The following CLASP2 variants were observed in gnomAD, a reference collection of about 807,000 sequenced individuals.
CLASP2 encodes cytoplasmic linker associated protein 2, also known as CLIP-associating protein 2.
Under a neutral mutation model 194.4 loss-of-function variants are expected in CLASP2, and 47 were observed. The observed-to-expected ratio is 0.24, with a 90% CI of 0.19 to 0.31. CLASP2 has a LOEUF of 0.31. Ranked by LOEUF, CLASP2 falls within the 10% of genes least tolerant of loss-of-function variation. CLASP2 has a pLI of 1.00. For missense variants in CLASP2, 1,445 were observed against 1,823.6 expected (o/e 0.79, Z 3.78); for synonymous variants, 619 against 633.5 (o/e 0.98, Z 0.34).
chr3:33,562,207 A>C (rs768118632), intron 27 of CLASP2, among the ~76,000 whole-genome samples: 7 of 152,228 alleles, frequency 4.6e-5, no homozygotes, highest in Admixed American at 2.6e-4. Context: ...TCTGGTCCCC[A>C]GACAGTGTGT....
intron 11 of CLASP2, among the ~76,000 whole-genome samples, chr3:33,621,479 T>C (rs191258015): frequency 1.3e-5 from 2 of 152,322 alleles, no homozygotes; most frequent in Admixed American, 1.3e-4. Flanking sequence ...TCTTGCAGTT[T>C]TCTGCATGGA....
intron 7 of CLASP2, chr3:33,645,455 C>A: frequency 1.5e-6 from 1 of 668,772 alleles, no homozygotes; most frequent in Non-Finnish European, 2.7e-6. Flanking sequence ...GAGGTTTGTG[C>A]CGGCATTTTT....
In CLASP2 at chr3:33,665,221, C is replaced by T. The variant is rs528135306; in HGVS notation, c.645-1706G>A. Among the ~76,000 whole-genome samples the T allele has an allele frequency of 9.9e-5, 15 of 152,044 alleles. No individual in the cohort carries two copies. In the South Asian group the frequency reaches 2.9e-3, roughly 29 times the overall value. On this transcript the variant is annotated intron_variant, in intron 6 of 38. Coordinates refer to ENST00000682230, the MANE Select transcript of CLASP2 (RefSeq NM_001365631.1). ...TAGATTAGAAGAACAGGAGTAAAAA[C>T]TTTAGGACAGAAAGCTCAGAAAGAG...
At chr3:33,508,423 C>T (rs892260075) in intron 37 of CLASP2, among the ~76,000 whole-genome samples, 9 of 152,132 alleles carry the variant, frequency 5.9e-5, no homozygotes, top group East Asian at 5.8e-4. Context: ...CTCTACCTCC[C>T]GGGTTCACGC....
intron 6 of CLASP2, among the ~76,000 whole-genome samples, chr3:33,674,445 T>A (rs1216291861): frequency 6.8e-6 from 1 of 147,170 alleles, no homozygotes; most frequent in African/African-American, 2.6e-5. Flanking sequence ...TTCAAAGCAG[T>A]GTGTAGAGGG....
intron 18 of CLASP2, among the ~76,000 whole-genome samples, chr3:33,600,084 T>A (rs984747278): frequency 5.3e-5 from 8 of 152,068 alleles, no homozygotes; most frequent in African/African-American, 1.4e-4. Context: ...TATATATATT[T>A]TTTTTGTGTG....
At position 33,539,132 on chromosome 3, in the gene CLASP2, C is replaced by G. The variant is rs560247779; in HGVS notation, c.3405-190G>C. 3.9e-5 allele frequency among the ~76,000 whole-genome samples: 6 copies of G among 152,282 alleles called. No individual in the cohort carries two copies. The East Asian group carries it at 1.2e-3, about 29-fold the overall frequency. On this transcript the variant is annotated intron_variant, in intron 32 of 38. Transcript: ENST00000682230. Reference sequence around the variant, plus strand: ...TGTCTCTTTGTCCTTCCACCAAGGACACCTTACAGTTACTCTAGAATGCAC... The same window carrying G: ...TGTCTCTTTGTCCTTCCACCAAGGAGACCTTACAGTTACTCTAGAATGCAC...
At chr3:33,508,285 C>T (rs1172696772) in intron 37 of CLASP2, among the ~76,000 whole-genome samples, 4 of 152,042 alleles carry the variant, frequency 2.6e-5, no homozygotes, top group Non-Finnish European at 2.9e-5. Context: ...TCCCAAAGTG[C>T]TAGGATTACA....
intron 34 of CLASP2, among the ~76,000 whole-genome samples, chr3:33,528,104 A>G (rs2055124129): frequency 6.6e-6 from 1 of 152,202 alleles, no homozygotes; most frequent in African/African-American, 2.4e-5. Context: ...ATGGTCATGT[A>G]GGCCTCATCC....
chr3:33,527,921 C>T (rs891323915), intron 34 of CLASP2, among the ~76,000 whole-genome samples: 2 of 152,174 alleles, frequency 1.3e-5, no homozygotes, highest in African/African-American at 4.8e-5. Flanking sequence ...CGAGATCATG[C>T]TGCTGCCCCC....
chr3:33,513,133 C>T (rs547537772), intron 36 of CLASP2, among the ~76,000 whole-genome samples: 1 of 152,272 alleles, frequency 6.6e-6, no homozygotes, highest in African/African-American at 2.4e-5. Flanking sequence ...TTATTTGGGT[C>T]AAAAGGTAGA....
chr3:33,706,559 G>C (rs1028275632), intron 1 of CLASP2, among the ~76,000 whole-genome samples: 14 of 152,138 alleles, frequency 9.2e-5, no homozygotes, highest in African/African-American at 3.1e-4. Flanking sequence ...AAATCTTATT[G>C]TTGTTGACAG....
At chr3:33,574,582 T>C in intron 24 of CLASP2, 1 of 711,256 alleles carries the variant, frequency 1.4e-6, no homozygotes, top group Non-Finnish European at 2.3e-6. Context: ...GCATTAACAA[T>C]GCCTATGATC....
intron 34 of CLASP2, among the ~76,000 whole-genome samples, chr3:33,521,589 G>A (rs577061734): frequency 6.2e-4 from 95 of 152,236 alleles, no homozygotes; most frequent in Non-Finnish European, 9.6e-4. Context: ...GCTAAGGAAA[G>A]ACTGAACACT....
At chr3:33,677,650 C>T (rs1404615335) in intron 6 of CLASP2, among the ~76,000 whole-genome samples, 2 of 149,484 alleles carry the variant, frequency 1.3e-5, no homozygotes, top group African/African-American at 4.9e-5. Flanking sequence ...CACATGTATA[C>T]ATATGTAACT....
At chr3:33,696,813 T>C in intron 2 of CLASP2, 42 bp downstream of exon 2, 1 of 1,274,618 alleles carries the variant, frequency 7.8e-7, no homozygotes, top group Middle Eastern at 1.8e-4. Flanking sequence ...AGTCATCATG[T>C]CAAATCTTAT....
chr3:33,611,622 A>G (rs1295212443), intron 13 of CLASP2, among the ~76,000 whole-genome samples: 2 of 152,172 alleles, frequency 1.3e-5, no homozygotes, highest in Non-Finnish European at 2.9e-5. Context: ...CGGGGTTGAC[A>G]TTATTAGCTC....
chr3:33,599,715 G>A (rs2071489983), intron 18 of CLASP2, among the ~76,000 whole-genome samples: 1 of 152,114 alleles, frequency 6.6e-6, no homozygotes, highest in African/African-American at 2.4e-5. Flanking sequence ...AGAAAACAGA[G>A]GTTATATCAG....
At chr3:33,516,671 A>AAAAT (rs34773367) in intron 35 of CLASP2, among the ~76,000 whole-genome samples, 14,093 of 151,484 alleles carry the variant, frequency 0.093, 662 homozygotes, top group Middle Eastern at 0.11. Flanking sequence ...ATTATTCCTC[A>AAAAT]AAATAAATAA....
Sources: gnomAD v4.1 joint callset for allele counts (sites outside exome capture counted in the v4.1 genomes callset) on GRCh38, gnomAD v4.1.1 for gene constraint, MANE v1.5 for transcripts, NCBI Gene and HGNC (gene_info 2026-07-23, HGNC 2026-07-21) for gene names.